Variants in PDLIM5 observed in about 807,000 individuals in gnomAD.
PDLIM5 encodes PDZ and LIM domain 5, also known as PDZ and LIM domain protein 5.
PDLIM5 carries 34 observed loss-of-function variants against 64.2 expected under a neutral mutation model. The ratio of observed to expected loss-of-function variants is 0.53; its 90% confidence interval spans 0.40 to 0.71. The LOEUF (loss-of-function observed/expected upper bound fraction) is 0.71. PDLIM5 is among the 30% of genes least tolerant of loss of function. The probability of loss-of-function intolerance (pLI) is 0.00; values close to 1 mark genes in which losing one functional copy is unlikely to be tolerated. For synonymous variants in PDLIM5, 253 were observed against 269.1 expected, an observed-to-expected ratio of 0.94 and a Z score of 0.59; for missense variants, 683 against 733.6, an observed-to-expected ratio of 0.93 and a Z score of 0.80.
At chr4:94,582,480 C>T (rs915879049) in intron 5 of PDLIM5, 1 of 456,208 alleles carries the variant, frequency 2.2e-6, no homozygotes, top group African/African-American at 2.0e-5. Flanking sequence ...TTGATTATAA[C>T]AGTGTAGTAG....
At chr4:94,549,534 G>T (rs1732615331) in intron 3 of PDLIM5, among the ~76,000 whole-genome samples, 1 of 152,112 alleles carries the variant, frequency 6.6e-6, no homozygotes, top group Non-Finnish European at 1.5e-5. Flanking sequence ...TCATCAGCAG[G>T]AAATGGAGTC....
chr4:94,555,477 T>C lies in PDLIM5; in HGVS notation c.249-17874T>C, dbSNP rs143271603. Among the ~76,000 whole-genome samples the C allele has an allele frequency of 1.7e-4, 26 of 152,364 alleles. No individual in the cohort carries two copies. In the East Asian group the frequency reaches 4.8e-3, roughly 28 times the overall value. On this transcript the variant is annotated intron_variant, in intron 3 of 12. Coordinates refer to ENST00000317968, the MANE Select transcript of PDLIM5 (RefSeq NM_006457.5). ...AAACTTATTCTGCAATGTATGTAAA[T>C]TTGTCAAATGTTATTTCATTATAGA... is the stretch of plus-strand genomic sequence containing the variant.
intron 2 of PDLIM5, among the ~76,000 whole-genome samples, chr4:94,492,491 T>C (rs1043576870): frequency 3.3e-5 from 5 of 152,150 alleles, no homozygotes; most frequent in African/African-American, 1.2e-4. Flanking sequence ...CTCTATCTAA[T>C]TACAAAACAT....
At chr4:94,503,686 A>G (rs1039382217) in intron 2 of PDLIM5, among the ~76,000 whole-genome samples, 11 of 152,178 alleles carry the variant, frequency 7.2e-5, no homozygotes, top group Non-Finnish European at 1.6e-4. Context: ...CAAACATCTG[A>G]TTTATTTTCC....
At chr4:94,610,407 C>A in intron 7 of PDLIM5, 1 of 574,234 alleles carries the variant, frequency 1.7e-6, no homozygotes, top group Non-Finnish European at 2.8e-6. Flanking sequence ...AATCATAGCT[C>A]TATTGTGAGC....
chr4:94,652,169 C>T (rs2110484529), intron 9 of PDLIM5, among the ~76,000 whole-genome samples: 1 of 152,314 alleles, frequency 6.6e-6, no homozygotes, highest in Non-Finnish European at 1.5e-5. Context: ...AACACTTATG[C>T]TTTAACAGAA....
rs373936418 is a variant in PDLIM5, at chr4:94,522,703, G to A, written c.97-1021G>A. Among the ~76,000 whole-genome samples, 11 of 152,238 alleles carry A rather than the reference G, an allele frequency of 7.2e-5. No individual in the cohort carries two copies. In the East Asian group the frequency reaches 1.2e-3, roughly 16 times the overall value. Reference sequence around the variant, plus strand: ...ACTGAATATAGTCACGGTGTTGTGCGACCTTCTGACTTACCTAGTTCTAGA... The same window carrying A: ...ACTGAATATAGTCACGGTGTTGTGCAACCTTCTGACTTACCTAGTTCTAGA... On this transcript the variant is annotated intron_variant, in intron 2 of 12. Coordinates refer to ENST00000317968, the MANE Select transcript of PDLIM5 (RefSeq NM_006457.5).
At chr4:94,589,751 CTTTT>C (rs1201676742) in intron 7 of PDLIM5, among the ~76,000 whole-genome samples, 1 of 149,016 alleles carries the variant, frequency 6.7e-6, no homozygotes, top group East Asian at 2.0e-4. Context: ...CTTTTCTTTT[CTTTT>C]CTTTCCTTTT....
chr4:94,464,487 A>C (rs1724171123), intron 2 of PDLIM5, among the ~76,000 whole-genome samples: 1 of 152,226 alleles, frequency 6.6e-6, no homozygotes, highest in African/African-American at 2.4e-5. Context: ...TAGCCAGAGC[A>C]GACTATGTTC....
Position 94,611,488 on chromosome 4 carries a change from TTCTG to T in PDLIM5, c.921-6512_921-6509del, listed in dbSNP as rs143804410. Among the ~76,000 whole-genome samples the T allele has an allele frequency of 6.6e-3, 1,005 of 152,342 alleles. 14 individuals are homozygous for T. Among genetic ancestry groups the T allele is most frequent in the African/African-American group, 0.023 (946 of 41,580 alleles). ...GCAAGTATTTAAATTGCAGTAGAAT[TTCTG>T]TCTTTCATTGCATGGATATAGCTAT... On this transcript the variant is annotated intron_variant, in intron 7 of 12. Coordinates refer to ENST00000317968, the MANE Select transcript of PDLIM5 (RefSeq NM_006457.5).
chr4:94,648,552 G>A (rs1048015283), intron 9 of PDLIM5, among the ~76,000 whole-genome samples: 5 of 152,016 alleles, frequency 3.3e-5, no homozygotes, highest in South Asian at 4.1e-4. Context: ...CGCCCGTCTC[G>A]GCCTCCCAAA....
chr4:94,630,801 T>G (rs1386584661), intron 8 of PDLIM5, among the ~76,000 whole-genome samples: 1 of 152,198 alleles, frequency 6.6e-6, no homozygotes, highest in Non-Finnish European at 1.5e-5. Context: ...CCCCATAACT[T>G]TCTTTGCTGC....
chr4:94,467,150 C>T (rs1031030163), intron 2 of PDLIM5, among the ~76,000 whole-genome samples: 4 of 152,100 alleles, frequency 2.6e-5, no homozygotes, highest in East Asian at 1.9e-4. Context: ...AGAAAACCCC[C>T]GAGTCTTATT....
At chr4:94,613,475 C>A (rs1022767221) in intron 7 of PDLIM5, among the ~76,000 whole-genome samples, 1 of 152,144 alleles carries the variant, frequency 6.6e-6, no homozygotes, top group Non-Finnish European at 1.5e-5. Flanking sequence ...CTGAGGTTAA[C>A]TTTCTTCCTT....
intron 7 of PDLIM5, among the ~76,000 whole-genome samples, chr4:94,613,100 C>A (rs1045959078): frequency 4.6e-5 from 7 of 151,938 alleles, no homozygotes; most frequent in Admixed American, 3.3e-4. Flanking sequence ...CTTTTAAAGG[C>A]GTTCTGACAG....
At chr4:94,574,893 G>A (rs902928983) in intron 4 of PDLIM5, among the ~76,000 whole-genome samples, 1 of 151,530 alleles carries the variant, frequency 6.6e-6, no homozygotes, top group Non-Finnish European at 1.5e-5. Flanking sequence ...AAAAGGAAAA[G>A]AATTTTATTC....
chr4:94,613,656 A>C (rs191773821), intron 7 of PDLIM5, among the ~76,000 whole-genome samples: 1 of 152,312 alleles, frequency 6.6e-6, no homozygotes, highest in Admixed American at 6.5e-5. Context: ...TAGATTAGTG[A>C]AAATAACCAT....
intron 10 of PDLIM5, among the ~76,000 whole-genome samples, chr4:94,655,385 A>C (rs561338398): frequency 7.9e-5 from 12 of 152,306 alleles, no homozygotes; most frequent in African/African-American, 2.4e-4. Context: ...GGCTTCACAC[A>C]AAAATTGGAC....
intron 2 of PDLIM5, among the ~76,000 whole-genome samples, chr4:94,468,711 T>C (rs1724588445): frequency 6.6e-6 from 1 of 152,334 alleles, no homozygotes; most frequent in South Asian, 2.1e-4. Flanking sequence ...GTAGTCAAAC[T>C]TAGTCCTTGT....
Sources: gnomAD v4.1 joint callset for allele counts (sites outside exome capture counted in the v4.1 genomes callset) on GRCh38, gnomAD v4.1.1 for gene constraint, MANE v1.5 for transcripts, NCBI Gene and HGNC (gene_info 2026-07-23, HGNC 2026-07-21) for gene names.